The following SPATA13 variants were observed in gnomAD, a reference collection of about 807,000 sequenced individuals.
SPATA13 encodes spermatogenesis associated 13.
In SPATA13, 50 loss-of-function variants were observed where a neutral mutation model predicts 104.0. That is an observed-to-expected ratio of 0.48 (90% CI 0.38 to 0.61). The LOEUF is 0.61. SPATA13 is among the 20% of genes least tolerant of loss of function. SPATA13 has a pLI of 0.00. For missense variants in SPATA13, 1,524 were observed against 1,690.6 expected, an observed-to-expected ratio of 0.90 and a Z score of 1.73; for synonymous variants, 606 against 667.5, an observed-to-expected ratio of 0.91 and a Z score of 1.42.
rs943155183 is a variant in SPATA13, at chr13:24,011,415, G to A, written c.-146-6252G>A. Among the ~76,000 whole-genome samples the A allele has an allele frequency of 1.3e-5, 2 of 152,224 alleles. No homozygotes were observed. The highest frequency in any genetic ancestry group is 4.8e-5 in the African/African-American group (2 of 41,452). On this transcript the variant is annotated intron_variant, in intron 2 of 14. Transcript: ENST00000424834. This position sits in a 1 kb window ranked among gnomAD's most constrained non-coding sequence, Gnocchi z 4.3. Reference sequence around the variant, plus strand: ...CCTGAGACCGTTCTGGGCAGGTCTGGCTTGCTGCCCTCCCCTGGAGAATGT... The same window carrying A: ...CCTGAGACCGTTCTGGGCAGGTCTGACTTGCTGCCCTCCCCTGGAGAATGT...
chr13:24,256,364 G>C (rs1458507363), intron 4 of SPATA13, among the ~76,000 whole-genome samples: 2 of 152,092 alleles, frequency 1.3e-5, no homozygotes, highest in Admixed American at 6.5e-5. Flanking sequence ...TAAATGATAA[G>C]TGCTTGGGGT....
chr13:24,048,699 A>G (rs753066369), intron 3 of SPATA13, among the ~76,000 whole-genome samples: 2 of 152,130 alleles, frequency 1.3e-5, no homozygotes, highest in Non-Finnish European at 2.9e-5. Context: ...AGATAAATAA[A>G]TTGTATAAAG....
intron 2 of SPATA13, among the ~76,000 whole-genome samples, chr13:23,993,987 T>C (rs79857099): frequency 0.24 from 10,505 of 43,420 alleles, 175 homozygotes; most frequent in Non-Finnish European, 0.36. Context: ...TTTTTTTTTC[T>C]TTTTTTTTTT....
intron 2 of SPATA13, among the ~76,000 whole-genome samples, chr13:23,989,329 G>A (rs1190795392): frequency 6.6e-6 from 1 of 151,954 alleles, no homozygotes; most frequent in Admixed American, 6.6e-5. Flanking sequence ...GGCTGAGGAA[G>A]GAGAATTGCT....
rs772531242 is a variant in SPATA13 at position 24,300,435 on chromosome 13, C to A, written c.3618C>A (p.Ala1206=). ...MEISENQKKL[A]MLNAQKAGHG... The stretch of plus-strand genomic sequence containing the variant: ...TTTCAGAAAACCAGAAGAAACTTGC[C>A]ATGTTAAATGCTCAAAAGGCAGGAC... The change falls in exon 12 of 13, where the codon GCC becomes GCA. Residue 1206 remains alanine, a synonymous_variant. Coordinates refer to ENST00000382108, the MANE Select transcript of SPATA13 (RefSeq NM_001166271.3). 3.7e-6 allele frequency: 6 copies of A among 1,613,910 alleles called. No individual in the cohort carries two copies. Among genetic ancestry groups the A allele is most frequent in the South Asian group, 1.1e-5 (1 of 91,032 alleles).
intron 3 of SPATA13, among the ~76,000 whole-genome samples, chr13:24,028,026 T>C (rs1886803): frequency 0.78 from 118,335 of 151,902 alleles, 46,715 homozygotes; most frequent in Middle Eastern, 0.85. Flanking sequence ...TTTTCTTTGA[T>C]TCATAAATTT....
intron 3 of SPATA13, among the ~76,000 whole-genome samples, chr13:24,086,461 G>A (rs1879723156): frequency 6.6e-6 from 1 of 152,096 alleles, no homozygotes; most frequent in African/African-American, 2.4e-5. Flanking sequence ...GGAAACGTGG[G>A]CAGTCATCCT....
In SPATA13 at chr13:23,991,554, A is replaced by C. The variant is rs781012979; in HGVS notation, c.-147+7621A>C. On this transcript the variant is annotated intron_variant, in intron 2 of 14. Transcript: ENST00000424834. ...TGGGCTTCATGCTGCAAAGTTAGCG[A>C]GCCCCGGCCCGCAGTGTCCAGCTGT... is the stretch of plus-strand genomic sequence containing the variant. 6.2e-4 allele frequency among the ~76,000 whole-genome samples: 95 copies of C among 152,272 alleles called. 1 individual carries two copies. The highest frequency in any genetic ancestry group is 6.8e-3 in the Middle Eastern group (2 of 294).
chr13:24,146,373 C>A (rs192025345), intron 3 of SPATA13, among the ~76,000 whole-genome samples: 1 of 152,206 alleles, frequency 6.6e-6, no homozygotes, highest in African/African-American at 2.4e-5. Flanking sequence ...CCTCTCCCTG[C>A]GGCCAGGCCA....
At chr13:24,179,987 C>A (rs1593386937) in intron 1 of SPATA13, among the ~76,000 whole-genome samples, 1 of 152,170 alleles carries the variant, frequency 6.6e-6, no homozygotes, top group East Asian at 1.9e-4. Flanking sequence ...TAGTGGTGTT[C>A]TTTGCATTAA....
intron 1 of SPATA13, among the ~76,000 whole-genome samples, chr13:24,212,885 AAAC>A (rs1258510636): frequency 1.3e-5 from 2 of 152,264 alleles, no homozygotes; most frequent in African/African-American, 4.8e-5. Context: ...AAACCACAGT[AAAC>A]AACAGTCAAA....
At chr13:24,262,973 T>C (rs952435581) in intron 4 of SPATA13, among the ~76,000 whole-genome samples, 5 of 152,206 alleles carry the variant, frequency 3.3e-5, no homozygotes, top group African/African-American at 1.2e-4. Context: ...AAAAAGAAAC[T>C]TGACTGGGTC....
chr13:24,274,161 A>C (rs1874811866), intron 4 of SPATA13, among the ~76,000 whole-genome samples: 1 of 152,224 alleles, frequency 6.6e-6, no homozygotes, highest in Admixed American at 6.5e-5. Flanking sequence ...CAGCCAATGC[A>C]ATCAGAATCC....
intron 2 of SPATA13, among the ~76,000 whole-genome samples, chr13:24,227,869 C>T (rs893766831): frequency 6.6e-6 from 1 of 151,970 alleles, no homozygotes; most frequent in African/African-American, 2.4e-5. Context: ...CACGCCCGGC[C>T]TCAGAATTCT....
chr13:24,096,226 C>G (rs1439969344), intron 3 of SPATA13, among the ~76,000 whole-genome samples: 1 of 152,060 alleles, frequency 6.6e-6, no homozygotes, highest in African/African-American at 2.4e-5. Flanking sequence ...CTTATAGTCT[C>G]GGGAGGATAT....
chr13:24,099,047 T>C (rs1400842894), intron 3 of SPATA13, among the ~76,000 whole-genome samples: 2 of 152,182 alleles, frequency 1.3e-5, no homozygotes, highest in African/African-American at 2.4e-5. Context: ...ATCATACCGC[T>C]TCACTCCTGC....
chr13:24,181,412 ATATAT>A (rs548999174), intron 1 of SPATA13, among the ~76,000 whole-genome samples: 211 of 152,346 alleles, frequency 1.4e-3, no homozygotes, highest in African/African-American at 4.6e-3. Flanking sequence ...TAAAACACAA[ATATAT>A]TATACAGCTG....
chr13:24,089,183 T>A (rs972912741), intron 3 of SPATA13, among the ~76,000 whole-genome samples: 3 of 152,174 alleles, frequency 2.0e-5, no homozygotes, highest in Admixed American at 1.3e-4. Context: ...GCCTTCCTGG[T>A]GTCTTGCATT....
intron 4 of SPATA13, among the ~76,000 whole-genome samples, chr13:24,259,992 A>G (rs1330716682): frequency 3.3e-5 from 5 of 152,094 alleles, no homozygotes; most frequent in African/African-American, 1.2e-4. Flanking sequence ...CTTGATTTCG[A>G]TCCATTTAAC....
Sources: gnomAD v4.1 joint callset for allele counts (sites outside exome capture counted in the v4.1 genomes callset) on GRCh38, gnomAD v4.1.1 for gene constraint, Gnocchi (gnomAD v3.1) non-coding constraint, MANE v1.5 for transcripts, NCBI Gene and HGNC (gene_info 2026-07-23, HGNC 2026-07-21) for gene names.